Variants in BBX observed in about 807,000 individuals in gnomAD.
BBX encodes the protein BBX high mobility group box domain containing.
In BBX, 30 loss-of-function variants were observed where a neutral mutation model predicts 100.2. That is an observed-to-expected ratio of 0.30 (90% CI 0.22 to 0.41). BBX has a LOEUF of 0.41. Ranked by LOEUF, BBX falls within the 10% of genes least tolerant of loss-of-function variation. BBX has a pLI of 1.00. For missense variants in BBX, 1,023 were observed against 1,129.8 expected (o/e 0.91, Z 1.35); for synonymous variants, 376 against 388.1 (o/e 0.97, Z 0.37).
intron 7 of BBX, among the ~76,000 whole-genome samples, chr3:107,737,576 C>A (rs972574675): frequency 6.6e-6 from 1 of 152,064 alleles, no homozygotes; most frequent in African/African-American, 2.4e-5. Context: ...AACTGTGTGC[C>A]ATCTTTTCTT....
chr3:107,556,523 C>T (rs752279063), intron 2 of BBX, among the ~76,000 whole-genome samples: 45 of 152,002 alleles, frequency 3.0e-4, no homozygotes, highest in Non-Finnish European at 5.7e-4. Context: ...TGCAGTTATT[C>T]CTTTGATTAA....
At chr3:107,649,196 T>C (rs12053833) in intron 3 of BBX, among the ~76,000 whole-genome samples, 31,151 of 152,124 alleles carry the variant, frequency 0.2, 3,397 homozygotes, top group African/African-American at 0.27. Context: ...ACCCCCATGA[T>C]TCAGTTACCT....
At chr3:107,726,594 C>G (rs779498590) in intron 5 of BBX, among the ~76,000 whole-genome samples, 10 of 151,936 alleles carry the variant, frequency 6.6e-5, no homozygotes, top group Non-Finnish European at 1.2e-4. Flanking sequence ...CCATAAAACC[C>G]CACGTATTCC....
intron 10 of BBX, among the ~76,000 whole-genome samples, chr3:107,756,759 G>T (rs1413092315): frequency 2.0e-5 from 3 of 152,138 alleles, no homozygotes; most frequent in African/African-American, 7.2e-5. Flanking sequence ...GACAAGTTGA[G>T]ACCAAAATAG....
chr3:107,671,734 T>A (rs776916231), intron 3 of BBX, among the ~76,000 whole-genome samples: 1 of 152,096 alleles, frequency 6.6e-6, no homozygotes, highest in African/African-American at 2.4e-5. Context: ...TGCAAACTCA[T>A]TGCCTCCTTG....
At chr3:107,732,238 C>A (rs187530459) in intron 6 of BBX, among the ~76,000 whole-genome samples, 17 of 152,124 alleles carry the variant, frequency 1.1e-4, no homozygotes, top group Admixed American at 2.0e-4. Context: ...TATTTAGATA[C>A]AACCTGGGTT....
intron 2 of BBX, among the ~76,000 whole-genome samples, chr3:107,567,632 G>A: frequency 6.6e-6 from 1 of 151,922 alleles, no homozygotes. Flanking sequence ...GTGTCATTTT[G>A]TTTTAGGTGT....
chr3:107,611,536 C>T (rs948391590), intron 2 of BBX, among the ~76,000 whole-genome samples: 2 of 152,106 alleles, frequency 1.3e-5, no homozygotes, highest in African/African-American at 4.8e-5. Context: ...TTGTCTTAAG[C>T]CCTTTAAATA....
rs1003852203 is a variant in BBX, at chr3:107,582,074, TC to T, written c.-84+55677del. Among the ~76,000 whole-genome samples the T allele has an allele frequency of 6.6e-5, 10 of 152,218 alleles. 1 individual carries two copies. The highest frequency in any genetic ancestry group is 2.4e-4 in the African/African-American group (10 of 41,578). On this transcript the variant is annotated intron_variant, in intron 2 of 17. Transcript: ENST00000325805. The stretch of plus-strand genomic sequence containing the variant: ...AAAACTTTAGGCAGAAGCAGTTATT[TC>T]TTCTTAGCTTGCTAGGGCATCCAAT...
chr3:107,604,910 C>T (rs1310713023), intron 2 of BBX, among the ~76,000 whole-genome samples: 2 of 152,138 alleles, frequency 1.3e-5, no homozygotes, highest in Non-Finnish European at 2.9e-5. Context: ...CTAGGCCCTT[C>T]GTTTGGAGCC....
chr3:107,592,103 GT>G (rs2053361577), intron 2 of BBX, among the ~76,000 whole-genome samples: 1 of 151,348 alleles, frequency 6.6e-6, no homozygotes, highest in Non-Finnish European at 1.5e-5. Context: ...CAGTCTCCCA[GT>G]TTAGTATGAC....
At chr3:107,594,691 A>G (rs546662743) in intron 2 of BBX, among the ~76,000 whole-genome samples, 4 of 152,324 alleles carry the variant, frequency 2.6e-5, no homozygotes, top group Admixed American at 1.3e-4. Context: ...TATTTACCAC[A>G]TCATAGGATT....
At chr3:107,735,848 A>T (rs2063600465) in intron 7 of BBX, among the ~76,000 whole-genome samples, 1 of 151,814 alleles carries the variant, frequency 6.6e-6, no homozygotes, top group South Asian at 2.1e-4. Flanking sequence ...ACAATAATAG[A>T]TTTTTTGCAT....
chr3:107,642,702 A>G (rs1197393329), intron 2 of BBX, among the ~76,000 whole-genome samples: 1 of 152,096 alleles, frequency 6.6e-6, no homozygotes, highest in Non-Finnish European at 1.5e-5. Flanking sequence ...TGAGGAAAAA[A>G]TCCTTATTTC....
At chr3:107,791,525 T>C (rs1488538387) in intron 15 of BBX, among the ~76,000 whole-genome samples, 1 of 152,198 alleles carries the variant, frequency 6.6e-6, no homozygotes, top group East Asian at 1.9e-4. Context: ...AAGGGCGATT[T>C]GTAACCTTTG....
intron 2 of BBX, among the ~76,000 whole-genome samples, chr3:107,594,786 C>T (rs1282882310): frequency 6.6e-6 from 1 of 151,742 alleles, no homozygotes; most frequent in Admixed American, 6.6e-5. Context: ...TTGCACTGCC[C>T]CTTGCCTGAA....
At chr3:107,682,671 C>CT in intron 3 of BBX, among the ~76,000 whole-genome samples, 1 of 152,244 alleles carries the variant, frequency 6.6e-6, no homozygotes, top group Middle Eastern at 3.4e-3. Context: ...TGTTGAGAGT[C>CT]TATTTTATTC....
chr3:107,771,577 G>A (rs1006086211), intron 10 of BBX, among the ~76,000 whole-genome samples: 1 of 152,142 alleles, frequency 6.6e-6, no homozygotes, highest in African/African-American at 2.4e-5. Flanking sequence ...AAGTATGAAT[G>A]GTCACAGTAA....
chr3:107,754,964 A>T (rs1176909771), intron 9 of BBX, among the ~76,000 whole-genome samples: 1 of 152,246 alleles, frequency 6.6e-6, no homozygotes, highest in Non-Finnish European at 1.5e-5. Context: ...AAGAGGATGC[A>T]GTCAATGTTA....
Sources: gnomAD v4.1 joint callset for allele counts (sites outside exome capture counted in the v4.1 genomes callset) on GRCh38, gnomAD v4.1.1 for gene constraint, MANE v1.5 for transcripts, NCBI Gene and HGNC (gene_info 2026-07-23, HGNC 2026-07-21) for gene names.